Variants in KANSL1 observed in about 807,000 individuals in gnomAD.
KANSL1 encodes the protein KAT8 regulatory NSL complex subunit 1.
Under a neutral mutation model 103.6 loss-of-function variants are expected in KANSL1, and 22 were observed. The ratio of observed to expected loss-of-function variants is 0.21; its 90% CI spans 0.15 to 0.30. KANSL1 has a LOEUF of 0.30. Among genes scored for constraint, KANSL1 ranks in the 10% least tolerant of loss-of-function variants. The pLI is 1.00. For synonymous variants in KANSL1, 600 were observed against 527.6 expected (o/e 1.14, Z -1.88); for missense variants, 1,337 against 1,399.8 (o/e 0.96, Z 0.72).
At chr17:46,175,197 T>C (rs2046459754) in intron 1 of KANSL1, among the ~76,000 whole-genome samples, 1 of 152,178 alleles carries the variant, frequency 6.6e-6, no homozygotes, top group Non-Finnish European at 1.5e-5. Flanking sequence ...CACAGTAAGC[T>C]TCTTTATAGT....
At chr17:46,177,780 C>CTT (rs67765122) in intron 1 of KANSL1, among the ~76,000 whole-genome samples, 17 of 146,714 alleles carry the variant, frequency 1.2e-4, no homozygotes, top group Middle Eastern at 3.5e-3. Flanking sequence ...CAGTAACATT[C>CTT]TTTTTTTTTT....
At chr17:46,126,843 A>G (rs1462116483) in intron 2 of KANSL1, among the ~76,000 whole-genome samples, 1 of 152,218 alleles carries the variant, frequency 6.6e-6, no homozygotes, top group Non-Finnish European at 1.5e-5. Context: ...TAATGTGAAA[A>G]TGTTTCTGGC....
At chr17:46,084,464 T>C (rs969622165) in intron 3 of KANSL1, among the ~76,000 whole-genome samples, 6 of 149,488 alleles carry the variant, frequency 4.0e-5, no homozygotes, top group East Asian at 2.0e-4. Context: ...CTTGGGGAGG[T>C]TGAGGTTAGG....
intron 2 of KANSL1, among the ~76,000 whole-genome samples, chr17:46,116,511 C>A (rs1278718410): frequency 1.3e-5 from 2 of 152,094 alleles, no homozygotes; most frequent in African/African-American, 2.4e-5. Flanking sequence ...GCCTGGGCAA[C>A]AGAGCGCGAC....
Position 46,096,136 on chromosome 17 carries a change from ATT to A in KANSL1, c.1290-1437_1290-1436del, listed in dbSNP as rs60771086. 3.1e-3 allele frequency among the ~76,000 whole-genome samples: 429 copies of A among 137,424 alleles called. 5 individuals are homozygous for A. Among genetic ancestry groups the A allele is most frequent in the African/African-American group, 0.011 (412 of 37,108 alleles). 90.2% of individuals were successfully genotyped at this position (137,424 alleles called of 152,430 possible). On this transcript the variant is annotated intron_variant, in intron 2 of 14. Transcript: ENST00000432791. Reference sequence around the variant, plus strand: ...GCATACCCAACCATCATGATACTGTATTTTTTTTTTTTTTTTCCTGAGAGGCA... The same window carrying A: ...GCATACCCAACCATCATGATACTGTATTTTTTTTTTTTTTCCTGAGAGGCA...
At chr17:46,168,739 T>C (rs2046133008) in intron 2 of KANSL1, among the ~76,000 whole-genome samples, 1 of 152,242 alleles carries the variant, frequency 6.6e-6, no homozygotes, top group African/African-American at 2.4e-5. Context: ...AATTCAACTT[T>C]TTAAAGTATC....
At chr17:46,181,499 C>G (rs1270711384) in intron 1 of KANSL1, among the ~76,000 whole-genome samples, 1 of 152,104 alleles carries the variant, frequency 6.6e-6, no homozygotes, top group Non-Finnish European at 1.5e-5. Flanking sequence ...GCGCGATCTC[C>G]GCTCACTGCA....
chr17:46,189,031 CAAAAAAAAAAAAAAAAA>C lies in KANSL1; in HGVS notation c.-90+3775_-90+3791del, dbSNP rs57566816. ...CTGGGCAACAGAGCAAAGATTGTCT[CAAAAAAAAAAAAAAAAA>C]AAAAAAAAAAAAAAAAAAGACAAGC... On this transcript the variant is annotated intron_variant, in intron 1 of 14. Coordinates refer to ENST00000432791, the MANE Select transcript of KANSL1 (RefSeq NM_015443.4). Among the ~76,000 whole-genome samples, 40 of 62,384 alleles carry C rather than the reference CAAAAAAAAAAAAAAAAA, an allele frequency of 6.4e-4. No individual in the cohort carries two copies. The East Asian group carries it at 0.01, about 16-fold the overall frequency. The allele number at this position is 62,384 out of a possible 152,430, so 40.9% of individuals were successfully genotyped here. A position where few individuals can be genotyped will look rare whatever the true frequency, so the allele number is the denominator to read the frequency against.
rs1460087956 is a variant in KANSL1 at position 46,052,963 on chromosome 17, CCAAAAAAAAAAAAAAAAAAAAAA to C, written c.1849-2282_1849-2260del. On this transcript the variant is annotated intron_variant, in intron 6 of 14. Coordinates refer to ENST00000432791, the MANE Select transcript of KANSL1 (RefSeq NM_015443.4). ...TGGGAAAAAGAGTAAGATCCTGTCT[CCAAAAAAAAAAAAAAAAAAAAAA>C]AAAAAAAAAAAAAAAAAAAGGCTGC... is the stretch of plus-strand genomic sequence containing the variant. Among the ~76,000 whole-genome samples the C allele has an allele frequency of 1.1e-3, 46 of 43,160 alleles. 1 individual carries two copies. Among genetic ancestry groups the C allele is most frequent in the African/African-American group, 4.6e-3 (45 of 9,824 alleles). 28.3% of individuals were successfully genotyped at this position (43,160 alleles called of 152,430 possible). A position where few individuals can be genotyped will look rare whatever the true frequency, so the allele number is the denominator to read the frequency against.
chr17:46,045,262 C>CA (rs1451576405), intron 7 of KANSL1: 1 of 152,120 alleles, frequency 6.6e-6, no homozygotes, highest in East Asian at 1.9e-4. Flanking sequence ...TCTCTGCACC[C>CA]ATGGGAATCT....
At position 46,062,118 on chromosome 17, in the gene KANSL1, CAAAAAAA is replaced by C. The variant is rs66529773; in HGVS notation, c.1848+4412_1848+4418del. 7.4e-4 allele frequency among the ~76,000 whole-genome samples: 80 copies of C among 108,774 alleles called. 1 individual carries two copies. The highest frequency in any genetic ancestry group is 5.4e-3 in the Middle Eastern group (1 of 186). The allele number at this position is 108,774 out of a possible 152,430, so 71.4% of individuals were successfully genotyped here. A position where few individuals can be genotyped will look rare whatever the true frequency, so the allele number is the denominator to read the frequency against. ...AAAAAAAAAAAAAAAAACAAACAAA[CAAAAAAA>C]AAAAAAAAACATGTTACAGCAGATT... On this transcript the variant is annotated intron_variant, in intron 6 of 14. Transcript: ENST00000432791.
chr17:46,109,056 A>T (rs1478303258), intron 2 of KANSL1, among the ~76,000 whole-genome samples: 1 of 151,898 alleles, frequency 6.6e-6, no homozygotes, highest in Non-Finnish European at 1.5e-5. Context: ...TCAAGCAACC[A>T]CTCTCACCTC....
chr17:46,114,605 A>C (rs913873157), intron 2 of KANSL1, among the ~76,000 whole-genome samples: 3 of 152,248 alleles, frequency 2.0e-5, no homozygotes, highest in Non-Finnish European at 4.4e-5. Flanking sequence ...ATTTTATTAC[A>C]ATCTTTCAAG....
chr17:46,061,962 G>C (rs1168923605), intron 6 of KANSL1, among the ~76,000 whole-genome samples: 3 of 151,610 alleles, frequency 2.0e-5, no homozygotes, highest in Non-Finnish European at 2.9e-5. Context: ...CGTCGTCGTG[G>C]GTGCCTGTGA....
intron 1 of KANSL1, among the ~76,000 whole-genome samples, chr17:46,210,798 AT>A (rs1325933752): frequency 1.3e-5 from 2 of 152,246 alleles, no homozygotes; most frequent in Non-Finnish European, 2.9e-5. Flanking sequence ...AATGAGAAAC[AT>A]TTGCAAAAAC....
chr17:46,066,336 G>C (rs1422903074), intron 6 of KANSL1, among the ~76,000 whole-genome samples: 1 of 152,176 alleles, frequency 6.6e-6, no homozygotes, highest in Non-Finnish European at 1.5e-5. Context: ...GAGTCACCGA[G>C]GAGCTTTGTG....
intron 1 of KANSL1, among the ~76,000 whole-genome samples, chr17:46,174,022 C>T (rs914489651): frequency 2.0e-5 from 3 of 152,252 alleles, no homozygotes; most frequent in Non-Finnish European, 4.4e-5. Flanking sequence ...CAGACATTTC[C>T]TTGCAAATGA....
intron 2 of KANSL1, among the ~76,000 whole-genome samples, chr17:46,147,572 T>TAAAA (rs10717937): frequency 2.2e-4 from 23 of 102,996 alleles, no homozygotes; most frequent in East Asian, 6.8e-4. Context: ...TGAGACTCTT[T>TAAAA]AAAAAAAAAA....
Position 46,171,097 on chromosome 17 carries a change from C to G in KANSL1, c.1047G>C (p.Lys349Asn), listed in dbSNP as rs750343936. The G allele has an allele frequency of 1.2e-6, 2 of 1,614,164 alleles. No homozygotes were observed. The highest frequency in any genetic ancestry group is 1.1e-5 in the South Asian group (1 of 91,086). Reference protein sequence around the residue: ...RPRSQLMLTRKAEAALRKAAS... With the variant: ...RPRSQLMLTRNAEAALRKAAS... ...CAGCTTTTCTCAAGGCAGCTTCAGC[C>G]TTTCGAGTCAGCATCAACTGGCTCC... is the stretch of plus-strand genomic sequence containing the variant. Residue 349 changes from lysine (K) to asparagine (N), a missense_variant, in exon 2 of 15, where the codon AAG becomes AAC. Coordinates refer to ENST00000432791, the MANE Select transcript of KANSL1 (RefSeq NM_015443.4).
Sources: gnomAD v4.1 joint callset for allele counts (sites outside exome capture counted in the v4.1 genomes callset) on GRCh38, gnomAD v4.1.1 for gene constraint, MANE v1.5 for transcripts, NCBI Gene and HGNC (gene_info 2026-07-23, HGNC 2026-07-21) for gene names.